The following ITGB8 variants were observed in gnomAD, a reference collection of about 807,000 sequenced individuals.
ITGB8 encodes integrin beta-8.
In ITGB8, 30 loss-of-function variants were observed where a neutral mutation model predicts 89.5. The ratio of observed to expected loss-of-function variants is 0.34; its 90% CI spans 0.25 to 0.45. The LOEUF (loss-of-function observed/expected upper bound fraction) is 0.45. Among genes scored for constraint, ITGB8 ranks in the 20% least tolerant of loss-of-function variants. ITGB8 has a pLI of 1.00. For synonymous variants in ITGB8, 335 were observed against 320.4 expected (o/e 1.05, Z -0.49); for missense variants, 836 against 933.3 (o/e 0.90, Z 1.36).
intron 1 of ITGB8, chr7:20,346,794 G>A (rs1434480873): frequency 1.0e-6 from 1 of 985,278 alleles, no homozygotes; most frequent in Non-Finnish European, 1.2e-6. Context: ...AGGCAGAGAG[G>A]AGGCATGTAC....
intron 3 of ITGB8, among the ~76,000 whole-genome samples, chr7:20,369,585 G>A (rs546432344): frequency 1.3e-5 from 2 of 152,084 alleles, no homozygotes; most frequent in Non-Finnish European, 2.9e-5. Flanking sequence ...TTCAAATACT[G>A]TCACATTGGA....
rs10257873 is a variant in ITGB8, at chr7:20,399,730, T to C, written c.1281+736T>C. Among the ~76,000 whole-genome samples the C allele has an allele frequency of 6.6e-5, 10 of 152,130 alleles. No homozygotes were observed. The South Asian group carries it at 2.1e-3, about 32-fold the overall frequency. On this transcript the variant is annotated intron_variant, in intron 9 of 13. Transcript: ENST00000222573. ...TCTTTGCTGGGTGAAGTGATTTTGA[T>C]TGAGTCATTTACGTCATGAGGCATT...
chr7:20,334,190 C>A (rs17364659), intron 1 of ITGB8, among the ~76,000 whole-genome samples: 38,489 of 151,948 alleles, frequency 0.25, 5,476 homozygotes, highest in Non-Finnish European at 0.32. Context: ...TCTGATGTAG[C>A]AAAAATTATA....
At chr7:20,386,674 T>C (rs10486393) in intron 6 of ITGB8, among the ~76,000 whole-genome samples, 54,431 of 151,900 alleles carry the variant, frequency 0.36, 10,157 homozygotes, top group Non-Finnish European at 0.4. Context: ...ATTGTTTTAA[T>C]TGAAAGCAAA....
chr7:20,387,848 A>G (rs1311356463), intron 6 of ITGB8, among the ~76,000 whole-genome samples: 1 of 152,226 alleles, frequency 6.6e-6, no homozygotes, highest in Admixed American at 6.5e-5. Context: ...CACATCATTG[A>G]AAGTTTCATC....
intron 10 of ITGB8, among the ~76,000 whole-genome samples, 195 bp from the exon 11 acceptor site, chr7:20,404,433 A>G (rs1246939671): frequency 2.0e-5 from 3 of 152,226 alleles, no homozygotes; most frequent in Non-Finnish European, 4.4e-5. Context: ...GAGATTATCT[A>G]CAGTAGAACA....
chr7:20,414,954 T>C lies in ITGB8; in HGVS notation c.*4957T>C, dbSNP rs1336937882. ...AATCAGGTTTCTAGCCTCTACAACC[T>C]ACTTCAGTTAAAATTGTCTAATACA... On this transcript the variant is annotated 3_prime_UTR_variant, in exon 14 of 14. Transcript: ENST00000222573. 6.6e-6 allele frequency: 1 copy of C among 151,252 alleles called. No individual in the cohort carries two copies. Among genetic ancestry groups the C allele is most frequent in the African/African-American group, 2.4e-5 (1 of 41,046 alleles). 9.4% of individuals were successfully genotyped at this position (151,252 alleles called of 1,614,324 possible). A position where few individuals can be genotyped will look rare whatever the true frequency, so the allele number is the denominator to read the frequency against.
At chr7:20,329,967 AG>A (rs538584849), upstream of ITGB8, among the ~76,000 whole-genome samples, 460 of 152,294 alleles carry the variant, frequency 3.0e-3, no homozygotes, top group African/African-American at 0.01. Context: ...CTGAGCTGCA[AG>A]CAGGCAGAAG....
At chr7:20,404,509 T>C in intron 10 of ITGB8, 119 bp from the exon 11 acceptor site, 1 of 787,318 alleles carries the variant, frequency 1.3e-6, no homozygotes, top group Non-Finnish European at 2.1e-6. Flanking sequence ...AGTGATGCTG[T>C]TCCCATTCAT....
chr7:20,376,332 C>A (rs754528185), intron 3 of ITGB8, among the ~76,000 whole-genome samples: 1 of 152,134 alleles, frequency 6.6e-6, no homozygotes, highest in Non-Finnish European at 1.5e-5. Flanking sequence ...TTTCCAGGGT[C>A]ACTCTAAGCC....
chr7:20,367,144 A>G lies in ITGB8; in HGVS notation c.346A>G (p.Thr116Ala), dbSNP rs745422214. Residue 116 changes from threonine (T) to alanine (A), a missense_variant, in exon 3 of 14, where the codon ACC (threonine) becomes GCC (alanine). Thr to Ala is a moderately conservative substitution (Grantham distance 58). Around this residue, in one of 5 missense-constraint regions of ITGB8, gnomAD observed 182 missense variants for 177.0 expected, o/e 1.03. Transcript: ENST00000222573. ...AATACCCACTGAAAATGAAATTAAT[A>G]CCCAGGTGACACCAGGAGAAGTGTC... is the stretch of plus-strand genomic sequence containing the variant. ...VIIPTENEIN[T>A]QVTPGEVSIQ... is the part of the protein sequence containing the mutation. 6 of 1,612,612 alleles carry G rather than the reference A, an allele frequency of 3.7e-6. No individual in the cohort carries two copies. The African/African-American group carries it at 5.3e-5, about 14-fold the overall frequency.
intron 5 of ITGB8, chr7:20,381,069 G>A (rs996396788): frequency 4.1e-5 from 15 of 365,656 alleles, no homozygotes; most frequent in Admixed American, 8.9e-5. Flanking sequence ...TTATGAACGC[G>A]AAAATTCTTT....
chr7:20,361,978 G>T (rs1470410241), intron 1 of ITGB8, among the ~76,000 whole-genome samples: 3 of 152,150 alleles, frequency 2.0e-5, no homozygotes, highest in African/African-American at 7.2e-5. Context: ...GGCATAGAAG[G>T]AGATACATAG....
chr7:20,333,437 G>A (rs1000658463), intron 1 of ITGB8, among the ~76,000 whole-genome samples: 1 of 152,168 alleles, frequency 6.6e-6, no homozygotes, highest in African/African-American at 2.4e-5. Context: ...AAGTAATAAA[G>A]TGCTTTTCTA....
chr7:20,403,459 G>C (rs913629558), intron 10 of ITGB8, among the ~76,000 whole-genome samples: 9 of 152,160 alleles, frequency 5.9e-5, no homozygotes, highest in African/African-American at 2.2e-4. Context: ...TTGAGAATCT[G>C]CTTTGAATTG....
chr7:20,332,922 TTTC>T (rs1294763621), intron 1 of ITGB8, among the ~76,000 whole-genome samples: 291 of 94,406 alleles, frequency 3.1e-3, no homozygotes, highest in African/African-American at 0.013. Context: ...CTTGTCATAC[TTTC>T]TTTTTTTTTT....
intron 1 of ITGB8, among the ~76,000 whole-genome samples, chr7:20,361,917 G>GAA (rs147296269): frequency 0.012 from 1,781 of 152,296 alleles, 31 homozygotes; most frequent in African/African-American, 0.04. Flanking sequence ...TTTGTGAAGT[G>GAA]AAGAAGTTTT....
At chr7:20,407,876 T>G (rs1216856794) in intron 12 of ITGB8, among the ~76,000 whole-genome samples, 2 of 152,238 alleles carry the variant, frequency 1.3e-5, no homozygotes, top group Non-Finnish European at 2.9e-5. Context: ...CATTTAAATA[T>G]GCATGCAGAT....
chr7:20,363,785 C>A, intron 2 of ITGB8, 63 bp downstream of exon 2: 2 of 949,282 alleles, frequency 2.1e-6, no homozygotes, highest in South Asian at 4.1e-5. Context: ...ACTTCATTTT[C>A]CTAATATTCT....
Sources: gnomAD v4.1 joint callset for allele counts (sites outside exome capture counted in the v4.1 genomes callset) on GRCh38, gnomAD v4.1.1 for gene constraint, gnomAD v4.1.1 regional missense constraint, MANE v1.5 for transcripts, NCBI Gene and HGNC (gene_info 2026-07-23, HGNC 2026-07-21) for gene names.